The following MECOM variants were observed in gnomAD, a reference collection of about 807,000 sequenced individuals.
The protein encoded by MECOM is histone-lysine N-methyltransferase MECOM.
Under a neutral mutation model 116.3 loss-of-function variants are expected in MECOM, and 13 were observed. The ratio of observed to expected loss-of-function variants is 0.11; its 90% CI spans 0.07 to 0.18. The LOEUF (loss-of-function observed/expected upper bound fraction) is 0.18. Among genes scored for constraint, MECOM ranks in the 10% least tolerant of loss-of-function variants. The pLI, the probability that MECOM is intolerant of heterozygous loss-of-function variation, is 1.00. For synonymous variants in MECOM, 528 were observed against 535.2 expected, an observed-to-expected ratio of 0.99 and a Z score of 0.19; for missense variants, 1,299 against 1,509.0, an observed-to-expected ratio of 0.86 and a Z score of 2.31.
intron 2 of MECOM, among the ~76,000 whole-genome samples, chr3:169,244,162 C>T (rs1755254946): frequency 1.3e-5 from 2 of 152,236 alleles, no homozygotes; most frequent in Admixed American, 1.3e-4. Flanking sequence ...TCTTAATCTC[C>T]TCAGAAAGCC....
chr3:169,540,432 T>C (rs948132820), intron 1 of MECOM, among the ~76,000 whole-genome samples: 1 of 152,172 alleles, frequency 6.6e-6, no homozygotes, highest in African/African-American at 2.4e-5. Context: ...TTCCCTGGAT[T>C]TTTTGCCTCC....
intron 1 of MECOM, among the ~76,000 whole-genome samples, chr3:169,560,444 T>C (rs1045260761): frequency 3.9e-5 from 6 of 152,196 alleles, no homozygotes; most frequent in Non-Finnish European, 7.4e-5. Flanking sequence ...ATATTTTTAC[T>C]TTTAATATTT....
intron 1 of MECOM, among the ~76,000 whole-genome samples, chr3:169,529,319 C>T (rs1315876207): frequency 6.6e-6 from 1 of 152,204 alleles, no homozygotes; most frequent in Non-Finnish European, 1.5e-5. Context: ...GTCATGAAAA[C>T]CAGCAGGACA....
At chr3:169,583,458 C>T (rs73174365) in intron 1 of MECOM, among the ~76,000 whole-genome samples, 1 of 152,008 alleles carries the variant, frequency 6.6e-6, no homozygotes, top group Admixed American at 6.6e-5. Context: ...CTCTCTCCCC[C>T]TCTATCTCTC....
At chr3:169,575,703 C>T (rs1452086184) in intron 1 of MECOM, among the ~76,000 whole-genome samples, 18 of 152,090 alleles carry the variant, frequency 1.2e-4, no homozygotes, top group Admixed American at 1.2e-3. Flanking sequence ...AGTGGTGTGT[C>T]GTTCAACTGG....
chr3:169,392,632 C>T (rs1245509526), intron 1 of MECOM, among the ~76,000 whole-genome samples: 2 of 151,970 alleles, frequency 1.3e-5, no homozygotes, highest in African/African-American at 2.4e-5. Context: ...TAGATGGTAA[C>T]GTATGTGACA....
intron 1 of MECOM, among the ~76,000 whole-genome samples, chr3:169,407,400 G>A (rs1461357339): frequency 6.6e-6 from 1 of 152,152 alleles, no homozygotes; most frequent in Non-Finnish European, 1.5e-5. Context: ...AAAGCTTCAT[G>A]AAAATTTAGA....
intron 1 of MECOM, among the ~76,000 whole-genome samples, chr3:169,404,313 G>C (rs1314257156): frequency 6.6e-6 from 1 of 151,818 alleles, no homozygotes; most frequent in African/African-American, 2.4e-5. Flanking sequence ...CACCACACAA[G>C]TCTTGCCTAA....
intron 1 of MECOM, among the ~76,000 whole-genome samples, chr3:169,527,708 T>C (rs530052959): frequency 6.6e-6 from 1 of 152,274 alleles, no homozygotes; most frequent in African/African-American, 2.4e-5. Context: ...TGAGGGCCTA[T>C]GGTTAGAGAA....
At chr3:169,215,108 C>T (rs1483645327) in intron 2 of MECOM, among the ~76,000 whole-genome samples, 1 of 150,628 alleles carries the variant, frequency 6.6e-6, no homozygotes, top group Non-Finnish European at 1.5e-5. Context: ...TTTTATATTC[C>T]ACTCTATTCC....
At chr3:169,661,819 G>A (rs956254083) in intron 1 of MECOM, among the ~76,000 whole-genome samples, 2 of 152,134 alleles carry the variant, frequency 1.3e-5, no homozygotes, top group Non-Finnish European at 2.9e-5. Context: ...GGATTTCACT[G>A]GGGAGAAGCA....
chr3:169,594,837 A>G lies in MECOM; in HGVS notation c.37+68499T>C, dbSNP rs138551889. On this transcript the variant is annotated intron_variant, in intron 1 of 16. Transcript: ENST00000651503. ...ACAGCAGGCCTAGTATGGAACACAA[A>G]TAAACGTCACAGAATCTGACCTTAA... Among the ~76,000 whole-genome samples, 840 of 150,976 alleles carry G rather than the reference A, an allele frequency of 5.6e-3. 3 individuals are homozygous for G. Among genetic ancestry groups the G allele is most frequent in the Middle Eastern group, 0.014 (4 of 292 alleles).
At position 169,275,194 on chromosome 3, in the gene MECOM, G is replaced by A. The variant is rs141878308; in HGVS notation, c.375+105993C>T. 1.5e-3 allele frequency among the ~76,000 whole-genome samples: 233 copies of A among 152,260 alleles called. 1 individual carries two copies. Among genetic ancestry groups the A allele is most frequent in the African/African-American group, 5.4e-3 (223 of 41,536 alleles). On this transcript the variant is annotated intron_variant, in intron 2 of 16. Coordinates refer to ENST00000651503, the MANE Select transcript of MECOM (RefSeq NM_004991.4). ...GCTTACCATAGGACCTGCTAAAATA[G>A]TATGAATGGCCCAGAGTAGTGACAT...
At chr3:169,335,098 G>GCTTA (rs1723382453) in intron 2 of MECOM, among the ~76,000 whole-genome samples, 1 of 152,100 alleles carries the variant, frequency 6.6e-6, no homozygotes, top group Admixed American at 6.6e-5. Context: ...TCATTCCTAT[G>GCTTA]CTTAGGTGGC....
At chr3:169,461,838 A>G (rs1344365593) in intron 1 of MECOM, among the ~76,000 whole-genome samples, 1 of 152,186 alleles carries the variant, frequency 6.6e-6, no homozygotes, top group Non-Finnish European at 1.5e-5. Flanking sequence ...GCCAATTCCA[A>G]GGATCTTACA....
intron 2 of MECOM, among the ~76,000 whole-genome samples, chr3:169,177,925 A>G (rs965622149): frequency 2.0e-5 from 3 of 151,990 alleles, no homozygotes; most frequent in Admixed American, 6.6e-5. Flanking sequence ...GTCTCAAAAA[A>G]AAAAAGGAGA....
chr3:169,663,485 T>A lies in MECOM; in HGVS notation c.-113A>T. ...TCCCTCTCTCTCCTGTCTCTCTCTC[T>A]CTCTCTCTCTCTCTCTCTCTCTCTC... On this transcript the variant is annotated 5_prime_UTR_variant, in exon 1 of 17. Coordinates refer to ENST00000651503, the MANE Select transcript of MECOM (RefSeq NM_004991.4). 4.0e-6 allele frequency: 1 copy of A among 251,292 alleles called. No individual in the cohort carries two copies. The highest frequency in any genetic ancestry group is 7.2e-6 in the Non-Finnish European group (1 of 138,774). 15.6% of individuals were successfully genotyped at this position (251,292 alleles called of 1,614,324 possible).
chr3:169,335,520 G>A (rs1332433610), intron 2 of MECOM, among the ~76,000 whole-genome samples: 1 of 152,072 alleles, frequency 6.6e-6, no homozygotes, highest in Non-Finnish European at 1.5e-5. Flanking sequence ...AATGGGCAAA[G>A]TTTGTTCCAG....
chr3:169,113,290 A>G (rs1219639654), intron 8 of MECOM, among the ~76,000 whole-genome samples: 2 of 151,926 alleles, frequency 1.3e-5, no homozygotes, highest in Non-Finnish European at 2.9e-5. Flanking sequence ...CCAAATGTGC[A>G]CTTTATTCCT....
Sources: gnomAD v4.1 joint callset for allele counts (sites outside exome capture counted in the v4.1 genomes callset) on GRCh38, gnomAD v4.1.1 for gene constraint, MANE v1.5 for transcripts, NCBI Gene and HGNC (gene_info 2026-07-23, HGNC 2026-07-21) for gene names.